Variants in GBE1 observed in about 807,000 individuals in gnomAD.
GBE1 encodes the protein 1,4-alpha-glucan-branching enzyme.
Under a neutral mutation model 88.8 loss-of-function variants are expected in GBE1, and 70 were observed. The observed-to-expected ratio is 0.79, with a 90% CI of 0.65 to 0.96. The LOEUF (loss-of-function observed/expected upper bound fraction) is 0.96. GBE1 is among the 40% of genes least tolerant of loss of function. The probability of loss-of-function intolerance (pLI) is 0.00; values close to 1 mark genes in which losing one functional copy is unlikely to be tolerated. For missense variants in GBE1, 872 were observed against 871.0 expected (o/e 1.00, Z -0.01); for synonymous variants, 284 against 300.1 (o/e 0.95, Z 0.56).
Position 81,642,832 on chromosome 3 carries a change from C to T in GBE1, c.941G>A (p.Gly314Glu). The T allele has an allele frequency of 6.2e-7, 1 of 1,613,282 alleles. No individual in the cohort carries two copies. Among genetic ancestry groups the T allele is most frequent in the Non-Finnish European group, 8.5e-7 (1 of 1,179,428 alleles). Residue 314 changes from glycine (G) to glutamate (E), a missense_variant, in exon 7 of 16, where the codon GGA becomes GAA. Transcript: ENST00000429644. ...CCAAAGATCATGAGTCCCTCTAGGT[C>T]CAGAATGAAAATAACAGGAATCTGT... ...DGTDSCYFHS[G>E]PRGTHDLWDS...
chr3:81,536,875 G>A, intron 13 of GBE1, 36 bp downstream of exon 13: 1 of 1,506,786 alleles, frequency 6.6e-7, no homozygotes, highest in Non-Finnish European at 8.9e-7. Context: ...TACCTCATTG[G>A]TGACTAAAAC....
intron 1 of GBE1, among the ~76,000 whole-genome samples, chr3:81,752,123 T>A (rs374361031): frequency 9.2e-5 from 14 of 152,312 alleles, no homozygotes; most frequent in African/African-American, 3.4e-4. Context: ...AATATTCTAT[T>A]CATTTGTTTT....
intron 9 of GBE1, among the ~76,000 whole-genome samples, chr3:81,590,093 A>C (rs562076713): frequency 2.2e-4 from 34 of 152,170 alleles, no homozygotes; most frequent in African/African-American, 8.2e-4. Flanking sequence ...GAATAAAACT[A>C]TTCTCCTCTA....
At chr3:81,567,397 C>T (rs778993413) in intron 12 of GBE1, among the ~76,000 whole-genome samples, 2 of 152,302 alleles carry the variant, frequency 1.3e-5, no homozygotes, top group Non-Finnish European at 2.9e-5. Context: ...GAGCTGACCT[C>T]ATTAGTATCA....
rs1005548082 is a variant in GBE1, at chr3:81,515,909, G to A, written c.1935-16682C>T. On this transcript the variant is annotated intron_variant, in intron 14 of 15. Coordinates refer to ENST00000429644, the MANE Select transcript of GBE1 (RefSeq NM_000158.4). ...CTCTCTTCAATTCTATGAAGGCTGG[G>A]AGAGGTGAGGAAGCTGCAGAAGAAA... is the stretch of plus-strand genomic sequence containing the variant. Among the ~76,000 whole-genome samples the A allele has an allele frequency of 2.0e-5, 3 of 151,730 alleles. No individual in the cohort carries two copies. The South Asian group carries it at 6.2e-4, about 31-fold the overall frequency.
intron 1 of GBE1, among the ~76,000 whole-genome samples, chr3:81,737,413 T>TTATATAAATATATATTTA (rs1553695496): frequency 2.0e-5 from 1 of 49,454 alleles, no homozygotes; most frequent in African/African-American, 5.8e-5. Context: ...TTTTATATAT[T>TTATATAAATATATATTTA]TATATAAATA....
chr3:81,522,547 C>A (rs960990486), intron 14 of GBE1, among the ~76,000 whole-genome samples: 15 of 151,306 alleles, frequency 9.9e-5, no homozygotes, highest in African/African-American at 3.1e-4. Context: ...TCCTGCCCCC[C>A]CCAAATTTAA....
intron 7 of GBE1, among the ~76,000 whole-genome samples, chr3:81,635,090 T>C (rs1205597295): frequency 2.0e-5 from 3 of 152,176 alleles, no homozygotes; most frequent in Non-Finnish European, 4.4e-5. Context: ...TAACGTGCTA[T>C]GAGAAAATGT....
intron 1 of GBE1, among the ~76,000 whole-genome samples, chr3:81,710,448 TTTAA>T (rs1705847550): frequency 6.6e-6 from 1 of 151,408 alleles, no homozygotes; most frequent in Non-Finnish European, 1.5e-5. Flanking sequence ...TATAATTATA[TTTAA>T]TTAATTTAAT....
intron 7 of GBE1, 140 bp downstream of exon 7, chr3:81,642,641 C>T: frequency 1.6e-6 from 1 of 628,524 alleles, no homozygotes; most frequent in South Asian, 1.9e-5. Context: ...AAGGTAAAAT[C>T]CCCTGTACAA....
rs372867800 is a variant in GBE1 at position 81,721,110 on chromosome 3, A to G, written c.144-15497T>C. 3.3e-3 allele frequency among the ~76,000 whole-genome samples: 342 copies of G among 104,452 alleles called. 2 individuals are homozygous for G. Among genetic ancestry groups the G allele is most frequent in the African/African-American group, 0.013 (309 of 23,764 alleles). The allele number at this position is 104,452 out of a possible 152,430, so 68.5% of individuals were successfully genotyped here. On this transcript the variant is annotated intron_variant, in intron 1 of 15. Coordinates refer to ENST00000429644, the MANE Select transcript of GBE1 (RefSeq NM_000158.4). ...AGATATACCTAATGCTAGATGACAC[A>G]TTAGTGGGTGCAGCGCACCAGCATG...
intron 2 of GBE1, among the ~76,000 whole-genome samples, chr3:81,674,426 A>T (rs1265869264): frequency 6.6e-6 from 1 of 151,994 alleles, no homozygotes; most frequent in Non-Finnish European, 1.5e-5. Flanking sequence ...CTAAGAAAGA[A>T]GGAACTATCA....
chr3:81,751,932 C>T (rs1706533261), intron 1 of GBE1, among the ~76,000 whole-genome samples: 1 of 152,050 alleles, frequency 6.6e-6, no homozygotes, highest in Admixed American at 6.6e-5. Context: ...GTGATATCAC[C>T]GGTAAAACAA....
At chr3:81,743,835 G>T (rs1371443529) in intron 1 of GBE1, among the ~76,000 whole-genome samples, 1 of 152,026 alleles carries the variant, frequency 6.6e-6, no homozygotes, top group Non-Finnish European at 1.5e-5. Context: ...GGTCAACGTG[G>T]ACTAGCCATG....
chr3:81,608,052 C>T (rs1486040277), intron 7 of GBE1, among the ~76,000 whole-genome samples: 2 of 152,216 alleles, frequency 1.3e-5, no homozygotes, highest in Non-Finnish European at 2.9e-5. Flanking sequence ...ACTAAATCCA[C>T]TTTTACCAAA....
intron 3 of GBE1, among the ~76,000 whole-genome samples, chr3:81,666,208 G>A (rs1705111962): frequency 6.6e-6 from 1 of 152,076 alleles, no homozygotes; most frequent in African/African-American, 2.4e-5. Flanking sequence ...GGAGGCAGAG[G>A]ACAAGGGCAA....
At position 81,497,018 on chromosome 3, in the gene GBE1, C is replaced by T. The variant is rs80146761; in HGVS notation, c.2052+2092G>A. Among the ~76,000 whole-genome samples the T allele has an allele frequency of 8.3e-4, 126 of 152,210 alleles. 1 individual carries two copies. In the East Asian group the frequency reaches 0.02, roughly 24 times the overall value. ...TTTCCCATGTCCTTGCAGTGCTGTC[C>T]TCCTCTATGTATTACTGATACTTAT... On this transcript the variant is annotated intron_variant, in intron 15 of 15. Transcript: ENST00000429644.
intron 7 of GBE1, among the ~76,000 whole-genome samples, chr3:81,633,334 T>C (rs1167531368): frequency 3.3e-5 from 5 of 152,132 alleles, no homozygotes; most frequent in Non-Finnish European, 5.9e-5. Flanking sequence ...ATCTTATTAG[T>C]ATTTTACAGA....
chr3:81,714,002 G>A (rs759203904), intron 1 of GBE1, among the ~76,000 whole-genome samples: 19 of 152,148 alleles, frequency 1.2e-4, no homozygotes, highest in Non-Finnish European at 2.5e-4. Context: ...ATGGGAGACC[G>A]TAGAAGAGAA....
Sources: gnomAD v4.1 joint callset for allele counts (sites outside exome capture counted in the v4.1 genomes callset) on GRCh38, gnomAD v4.1.1 for gene constraint, MANE v1.5 for transcripts, NCBI Gene and HGNC (gene_info 2026-07-23, HGNC 2026-07-21) for gene names.